The following ADAMTSL2 variants were observed in gnomAD, a reference collection of about 807,000 sequenced individuals.
The protein encoded by ADAMTSL2 is ADAMTS-like protein 2.
In ADAMTSL2, 55 loss-of-function variants were observed where a neutral mutation model predicts 117.0. That is an observed-to-expected ratio of 0.47 (90% CI 0.38 to 0.59). ADAMTSL2 has a LOEUF of 0.59. ADAMTSL2 is among the 20% of genes least tolerant of loss of function. The pLI is 0.00. For missense variants in ADAMTSL2, 1,182 were observed against 1,354.5 expected, an observed-to-expected ratio of 0.87 and a Z score of 2.00; for synonymous variants, 572 against 566.4, an observed-to-expected ratio of 1.01 and a Z score of -0.14.
At chr9:133,573,012 C>T (rs1364834933) in intron 17 of ADAMTSL2, among the ~76,000 whole-genome samples, 1 of 152,226 alleles carries the variant, frequency 6.6e-6, no homozygotes, top group Non-Finnish European at 1.5e-5. Context: ...CAGCCCCCAC[C>T]CCCTGGCTCG....
rs1403029798 is a variant in ADAMTSL2 at position 133,548,026 on chromosome 9, G to GTCAAGGCC, written c.939+815_939+822dup. Among the ~76,000 whole-genome samples the GTCAAGGCC allele has an allele frequency of 1.0e-3, 152 of 152,380 alleles. 1 individual carries two copies. Among genetic ancestry groups the GTCAAGGCC allele is most frequent in the African/African-American group, 3.5e-3 (146 of 41,598 alleles). On this transcript the variant is annotated intron_variant, in intron 9 of 18. Transcript: ENST00000651351. The stretch of plus-strand genomic sequence containing the variant: ...ATCAAGAAGGGCAGTTGTGGTGCCC[G>GTCAAGGCC]TCAAGGCCTGCTGACTTTCCTGGAG...
intron 8 of ADAMTSL2, among the ~76,000 whole-genome samples, chr9:133,545,305 G>C (rs1830323021): frequency 6.6e-6 from 1 of 152,164 alleles, no homozygotes; most frequent in Non-Finnish European, 1.5e-5. Context: ...TTGGACACAG[G>C]TGCAGCCCCA....
intron 9 of ADAMTSL2, among the ~76,000 whole-genome samples, chr9:133,553,797 G>C (rs996267680): frequency 6.6e-6 from 1 of 152,184 alleles, no homozygotes; most frequent in African/African-American, 2.4e-5. Flanking sequence ...GGGAGAAGCC[G>C]GGCTGCCCCA....
In ADAMTSL2 at chr9:133,536,802, G is replaced by A. The variant is rs764597370; in HGVS notation, c.90G>A (p.Thr30=). The A allele has an allele frequency of 1.4e-5, 22 of 1,614,056 alleles. No individual in the cohort carries two copies. Among genetic ancestry groups the A allele is most frequent in the Middle Eastern group, 1.6e-4 (1 of 6,072 alleles). The change falls in exon 2 of 19, where the codon ACG becomes ACA. Residue 30 remains threonine (T), a splice_region_variant and synonymous_variant. Coordinates refer to ENST00000651351, the MANE Select transcript of ADAMTSL2 (RefSeq NM_014694.4). ...GGGACACAGTGTCAACCGGGTCCAC[G>A]GTGAGTGGGGTGTTGTGGTCTGAGG... The part of the protein sequence containing the change: ...VAGDTVSTGS[T]DNSPTSNSLE...
At chr9:133,532,271 A>AC (rs1335603223), upstream of ADAMTSL2, 1 of 151,978 alleles carries the variant, frequency 6.6e-6, no homozygotes, top group African/African-American at 2.4e-5. Context: ...ATCTCGGCTC[A>AC]CTGCAACCTC....
chr9:133,572,172 G>GCAACCCC (rs1554725422), intron 17 of ADAMTSL2, among the ~76,000 whole-genome samples: 3 of 20,380 alleles, frequency 1.5e-4, no homozygotes, highest in African/African-American at 3.6e-4. Flanking sequence ...ACCCTGCCCC[G>GCAACCCC]CCACCCCCCA....
Position 133,540,858 on chromosome 9 carries a change from C to T in ADAMTSL2, c.559-20C>T, listed in dbSNP as rs957455241. The T allele has an allele frequency of 1.9e-6, 3 of 1,613,212 alleles. No homozygotes were observed. The highest frequency in any genetic ancestry group is 2.7e-5 in the African/African-American group (2 of 74,950). ...GCCACAGCGCCCTCCCAGCAGCCCTCTCCCTCTCCCTTCCTGCAGCCCATC... is the reference window on the plus strand; with the variant it reads ...GCCACAGCGCCCTCCCAGCAGCCCTTTCCCTCTCCCTTCCTGCAGCCCATC... On this transcript the variant is annotated intron_variant, in intron 6 of 18. Coordinates refer to ENST00000651351, the MANE Select transcript of ADAMTSL2 (RefSeq NM_014694.4).
intron 4 of ADAMTSL2, 36 bp from the exon 5 acceptor site, chr9:133,539,735 T>C (rs1830161610): frequency 8.4e-7 from 1 of 1,185,016 alleles, no homozygotes; most frequent in Non-Finnish European, 1.1e-6. Flanking sequence ...TCGGGCCGAG[T>C]TCCTCCCGGA....
chr9:133,534,295 A>G (rs1829996264), upstream of ADAMTSL2: 1 of 157,494 alleles, frequency 6.3e-6, no homozygotes, highest in Non-Finnish European at 1.4e-5. Context: ...CCCTCCGTAC[A>G]ACGGAGCCAT....
intron 7 of ADAMTSL2, among the ~76,000 whole-genome samples, chr9:133,543,677 A>G (rs11522321): frequency 0.85 from 129,597 of 152,130 alleles, 55,941 homozygotes; most frequent in Non-Finnish European, 0.93. Flanking sequence ...CTCCGTTCCC[A>G]GAGGGATCCG....
rs1393061768 is a variant in ADAMTSL2 at position 133,557,965 on chromosome 9, G to A, written c.1649+2035G>A. Among the ~76,000 whole-genome samples, 3 of 98,554 alleles carry A rather than the reference G, an allele frequency of 3.0e-5. No individual in the cohort carries two copies. Among genetic ancestry groups the A allele is most frequent in the African/African-American group, 4.6e-5 (1 of 21,652 alleles). 64.7% of individuals were successfully genotyped at this position (98,554 alleles called of 152,430 possible). A position where few individuals can be genotyped will look rare whatever the true frequency, so the allele number is the denominator to read the frequency against. On this transcript the variant is annotated intron_variant, in intron 11 of 18. Transcript: ENST00000651351. The surrounding 1 kb of genome is among the most constrained non-coding windows in gnomAD (Gnocchi z 5.2). ...TTCCCCATCTCTCACTGGGGGGCTTGTCAGGGGCTGCCCTTTGGGCCCACC... is the reference window on the plus strand; with the variant it reads ...TTCCCCATCTCTCACTGGGGGGCTTATCAGGGGCTGCCCTTTGGGCCCACC...
intron 8 of ADAMTSL2, 47 bp from the exon 9 acceptor site, chr9:133,546,990 TC>T: frequency 1.3e-6 from 2 of 1,588,958 alleles, no homozygotes. Context: ...CACTGGCTCC[TC>T]CCCCAGCCAG....
At chr9:133,540,415 G>A (rs1830188928) in intron 5 of ADAMTSL2, among the ~76,000 whole-genome samples, 183 bp from the exon 6 acceptor site, 1 of 152,206 alleles carries the variant, frequency 6.6e-6, no homozygotes, top group African/African-American at 2.4e-5. Flanking sequence ...CACGGGGTGT[G>A]GGCTGAGCCA....
Position 133,546,106 on chromosome 9 carries a change from C to T in ADAMTSL2, c.764-932C>T, listed in dbSNP as rs1050268028. 2.6e-5 allele frequency among the ~76,000 whole-genome samples: 4 copies of T among 152,202 alleles called. No homozygotes were observed. The South Asian group carries it at 6.2e-4, about 24-fold the overall frequency. ...TTGGAAGACAGAGTGTCCCGAGCGC[C>T]GAATCGGCCTCCTCCCTGCGTCCCC... On this transcript the variant is annotated intron_variant, in intron 8 of 18. Coordinates refer to ENST00000651351, the MANE Select transcript of ADAMTSL2 (RefSeq NM_014694.4).
upstream of ADAMTSL2, chr9:133,534,564 C>T: frequency 9.7e-7 from 1 of 1,035,532 alleles, no homozygotes; most frequent in Non-Finnish European, 1.2e-6. Context: ...GCCGGCCTGG[C>T]CGGGCTCCAG....
chr9:133,572,071 C>T (rs955326221), intron 17 of ADAMTSL2, among the ~76,000 whole-genome samples: 43 of 152,292 alleles, frequency 2.8e-4, no homozygotes, highest in African/African-American at 9.9e-4. Context: ...CTGGGGACCC[C>T]AGTGCGGCCC....
rs1468566445 is a variant in ADAMTSL2 at position 133,537,619 on chromosome 9, CTCT to C, written c.233+75_233+77del. 4.6e-6 allele frequency: 6 copies of C among 1,290,556 alleles called. No individual in the cohort carries two copies. The African/African-American group carries it at 7.6e-5, about 16-fold the overall frequency. The allele number at this position is 1,290,556 out of a possible 1,614,324, so 79.9% of individuals were successfully genotyped here. A position where few individuals can be genotyped will look rare whatever the true frequency, so the allele number is the denominator to read the frequency against. ...GTAGCGGGCAGGAGAGGGCGGTTGG[CTCT>C]TCAGCCTGGTGGCTTCTCCCCCTGG... On this transcript the variant is annotated intron_variant, in intron 3 of 18. Coordinates refer to ENST00000651351, the MANE Select transcript of ADAMTSL2 (RefSeq NM_014694.4).
At chr9:133,532,728 C>T (rs576618222), upstream of ADAMTSL2, among the ~76,000 whole-genome samples, 18 of 152,278 alleles carry the variant, frequency 1.2e-4, no homozygotes, top group East Asian at 7.7e-4. Context: ...GCACCTGCTA[C>T]GTGCCAGTCA....
chr9:133,549,062 C>T lies in ADAMTSL2; in HGVS notation c.939+1849C>T, dbSNP rs1401104336. ...TGTCGCCCAGGCTGGAGTGCAGTGGCGGGATCTCGGCTCACTGCAAGCTCC... is the reference window on the plus strand; with the variant it reads ...TGTCGCCCAGGCTGGAGTGCAGTGGTGGGATCTCGGCTCACTGCAAGCTCC... On this transcript the variant is annotated intron_variant, in intron 9 of 18. Coordinates refer to ENST00000651351, the MANE Select transcript of ADAMTSL2 (RefSeq NM_014694.4). 4.4e-4 allele frequency among the ~76,000 whole-genome samples: 2 copies of T among 4,576 alleles called. 1 individual carries two copies. The highest frequency in any genetic ancestry group is 1.4e-3 in the African/African-American group (2 of 1,444). 3.0% of individuals were successfully genotyped at this position (4,576 alleles called of 152,430 possible).
Sources: allele counts gnomAD v4.1 joint callset (sites outside exome capture counted in the v4.1 genomes callset), GRCh38; gene constraint gnomAD v4.1.1; non-coding constraint Gnocchi (gnomAD v3.1); transcripts MANE v1.5; gene names NCBI Gene and HGNC (gene_info 2026-07-23, HGNC 2026-07-21).